Variants in EEFSEC observed in about 807,000 individuals in gnomAD.
The protein encoded by EEFSEC is eukaryotic elongation factor, selenocysteine-tRNA specific.
A neutral mutation model predicts 42.1 loss-of-function variants in EEFSEC; 43 were observed. That is an observed-to-expected ratio of 1.02 (90% CI 0.80 to 1.32). The LOEUF (loss-of-function observed/expected upper bound fraction) is 1.32, where lower values mean the gene tolerates loss of function less well. Among genes scored for constraint, EEFSEC ranks in the 40% most tolerant of loss-of-function variants. The pLI, the probability that EEFSEC is intolerant of heterozygous loss-of-function variation, is 0.00. For synonymous variants in EEFSEC, 354 were observed against 339.1 expected (o/e 1.04, Z -0.48); for missense variants, 745 against 803.6 (o/e 0.93, Z 0.88).
chr3:128,310,118 A>C (rs116266471), intron 4 of EEFSEC, among the ~76,000 whole-genome samples: 2 of 152,220 alleles, frequency 1.3e-5, no homozygotes, highest in African/African-American at 4.8e-5. Context: ...AGGTGTCACC[A>C]TTATCATCTG....
chr3:128,361,106 G>A (rs554895405), intron 6 of EEFSEC, among the ~76,000 whole-genome samples: 1 of 152,302 alleles, frequency 6.6e-6, no homozygotes, highest in South Asian at 2.1e-4. Flanking sequence ...TGCAGCTCGT[G>A]GACAGGGCTG....
intron 1 of EEFSEC, among the ~76,000 whole-genome samples, chr3:128,207,566 T>TACACACACACACAC (rs10574435): frequency 1.4e-5 from 2 of 142,490 alleles, no homozygotes; most frequent in African/African-American, 5.3e-5. Context: ...ACACATTGCA[T>TACACACACACACAC]ACACACACAC....
chr3:128,291,528 G>C (rs557595262), intron 4 of EEFSEC, among the ~76,000 whole-genome samples: 1 of 152,276 alleles, frequency 6.6e-6, no homozygotes, highest in African/African-American at 2.4e-5. Context: ...GGAATTCTCA[G>C]CCTCCAGAGT....
intron 6 of EEFSEC, among the ~76,000 whole-genome samples, chr3:128,375,395 C>T (rs1052511643): frequency 2.6e-5 from 4 of 152,206 alleles, no homozygotes; most frequent in Admixed American, 6.5e-5. Context: ...TGCCCACCCT[C>T]GCCATGGGCA....
chr3:128,246,542 C>T (rs2066129600), intron 1 of EEFSEC, among the ~76,000 whole-genome samples: 3 of 152,112 alleles, frequency 2.0e-5, no homozygotes, highest in South Asian at 4.1e-4. Flanking sequence ...TAGAAAGGCA[C>T]GGGTTTTGGA....
chr3:128,399,862 G>C (rs147075975), intron 6 of EEFSEC, among the ~76,000 whole-genome samples: 4 of 152,000 alleles, frequency 2.6e-5, no homozygotes, highest in African/African-American at 7.2e-5. Flanking sequence ...CCTGTCCTCC[G>C]GGCCCGGGCT....
chr3:128,339,659 C>T (rs1185772555), intron 4 of EEFSEC, among the ~76,000 whole-genome samples: 1 of 152,224 alleles, frequency 6.6e-6, no homozygotes, highest in Non-Finnish European at 1.5e-5. Flanking sequence ...GCCTAAACTC[C>T]TCCAGTGACT....
chr3:128,406,208 G>A (rs2068108297), intron 6 of EEFSEC, among the ~76,000 whole-genome samples: 1 of 152,248 alleles, frequency 6.6e-6, no homozygotes, highest in South Asian at 2.1e-4. Flanking sequence ...CCCACATGGA[G>A]GCTGCACCAT....
chr3:128,425,196 C>T, the EEFSEC span, among the ~76,000 whole-genome samples: 5 of 152,196 alleles, frequency 3.3e-5, no homozygotes, highest in Non-Finnish European at 5.9e-5. Context: ...CTCGCACACC[C>T]GGCCCCAGCA....
At position 128,408,279 on chromosome 3, in the gene EEFSEC, A is replaced by T. The variant is rs1366084145; in HGVS notation, c.*20A>T. On this transcript the variant is annotated 3_prime_UTR_variant, in exon 7 of 7. Coordinates refer to ENST00000254730, the MANE Select transcript of EEFSEC (RefSeq NM_021937.5). Reference sequence around the variant, plus strand: ...CCCTGAGTGTCCGGTGACCTCCCCCAGGGCCTCCTTGCCCAGCCCAGTCCA... The same window carrying T: ...CCCTGAGTGTCCGGTGACCTCCCCCTGGGCCTCCTTGCCCAGCCCAGTCCA... 1 of 1,540,974 alleles carries T rather than the reference A, an allele frequency of 6.5e-7. No individual in the cohort carries two copies. Among genetic ancestry groups the T allele is most frequent in the South Asian group, 1.2e-5 (1 of 80,530 alleles).
Position 128,317,981 on chromosome 3 carries a change from CTG to C in EEFSEC, c.787-23249_787-23248del, listed in dbSNP as rs1347160605. Among the ~76,000 whole-genome samples the C allele has an allele frequency of 6.6e-6, 1 of 152,228 alleles. No individual in the cohort carries two copies. The highest frequency in any genetic ancestry group is 1.5e-5 in the Non-Finnish European group (1 of 68,046). On this transcript the variant is annotated intron_variant, in intron 4 of 6. Transcript: ENST00000254730. The surrounding 1 kb of genome is among the most constrained non-coding windows in gnomAD (Gnocchi z 4.1). ...GCCATGGGAACTGGTTGTTAGGTGA[CTG>C]TGCACTCCAGGCAGAGGCAGGATGG...
intron 4 of EEFSEC, among the ~76,000 whole-genome samples, chr3:128,313,922 G>A (rs1272285295): frequency 6.6e-6 from 1 of 152,244 alleles, no homozygotes; most frequent in East Asian, 1.9e-4. Flanking sequence ...CTGCCATTCT[G>A]GTGATAACCT....
chr3:128,289,288 A>G (rs2066618566), intron 4 of EEFSEC, among the ~76,000 whole-genome samples: 1 of 152,232 alleles, frequency 6.6e-6, no homozygotes, highest in Admixed American at 6.5e-5. Context: ...CAGTTTACCA[A>G]GACCTGGAGG....
intron 6 of EEFSEC, chr3:128,367,740 C>T: frequency 1.0e-6 from 1 of 985,438 alleles, no homozygotes; most frequent in Non-Finnish European, 1.2e-6. Context: ...GGTGCTGTGG[C>T]CCCACTGCCT....
intron 1 of EEFSEC, among the ~76,000 whole-genome samples, chr3:128,220,337 G>A (rs2107845792): frequency 6.6e-6 from 1 of 152,312 alleles, no homozygotes; most frequent in South Asian, 2.1e-4. Flanking sequence ...CCACTCTTGA[G>A]TGCTCCGTCA....
intron 1 of EEFSEC, among the ~76,000 whole-genome samples, chr3:128,174,867 C>T (rs1256840873): frequency 6.6e-6 from 1 of 152,122 alleles, no homozygotes; most frequent in Non-Finnish European, 1.5e-5. Flanking sequence ...GTCAAAAGTC[C>T]TCTTCCCTCA....
intron 4 of EEFSEC, among the ~76,000 whole-genome samples, chr3:128,338,674 G>T (rs2067217191): frequency 6.6e-6 from 1 of 152,208 alleles, no homozygotes. Context: ...TTTCAGGGTT[G>T]GGGAGAATGT....
chr3:128,376,923 G>C (rs1355231659), intron 6 of EEFSEC, among the ~76,000 whole-genome samples: 1 of 152,046 alleles, frequency 6.6e-6, no homozygotes, highest in Non-Finnish European at 1.5e-5. Context: ...TGTCACCTGG[G>C]GGAAGAAGGC....
chr3:128,358,294 G>T lies in EEFSEC; in HGVS notation c.1521G>T (p.Lys507Asn), dbSNP rs2067482284. Residue 507 changes from lysine to asparagine, a missense_variant, in exon 6 of 7, where the codon AAG becomes AAT. Lys to Asn is a moderately conservative substitution (Grantham distance 94). Transcript: ENST00000254730. ...ACATCCAGCTCTTCGTGGGGCTCAA[G>T]GTGCACTTGTCCACTGGGGAACTGG... ...ETNIQLFVGL[K>N]VHLSTGELGI... 3.7e-6 allele frequency: 6 copies of T among 1,614,140 alleles called. No homozygotes were observed. Among genetic ancestry groups the T allele is most frequent in the Non-Finnish European group, 5.1e-6 (6 of 1,180,060 alleles).
Sources: allele counts gnomAD v4.1 joint callset (sites outside exome capture counted in the v4.1 genomes callset), GRCh38; gene constraint gnomAD v4.1.1; non-coding constraint Gnocchi (gnomAD v3.1); transcripts MANE v1.5; gene names NCBI Gene and HGNC (gene_info 2026-07-23, HGNC 2026-07-21).